RPS6KA2: variants seen among roughly 807,000 people sequenced by gnomAD.
RPS6KA2 encodes ribosomal protein S6 kinase A2, also known as ribosomal protein S6 kinase alpha-2.
A neutral mutation model predicts 91.8 loss-of-function variants in RPS6KA2; 42 were observed. The ratio of observed to expected loss-of-function variants is 0.46; its 90% confidence interval spans 0.36 to 0.59. The LOEUF (loss-of-function observed/expected upper bound fraction) is 0.59. RPS6KA2 is among the 20% of genes least tolerant of loss of function. The pLI, the probability that RPS6KA2 is intolerant of heterozygous loss-of-function variation, is 0.00. For missense variants in RPS6KA2, 798 were observed against 978.5 expected, an observed-to-expected ratio of 0.82 and a Z score of 2.46; for synonymous variants, 414 against 393.6, an observed-to-expected ratio of 1.05 and a Z score of -0.61.
In RPS6KA2 at chr6:166,593,644, C is replaced by A. The variant is rs550811610; in HGVS notation, c.99+33277G>T. On this transcript the variant is annotated intron_variant, in intron 1 of 20. Transcript: ENST00000265678. The stretch of plus-strand genomic sequence containing the variant: ...AACATTCCATTAAAAAATGTAAACA[C>A]AAACTGGTTTTCGGAAAAAAAAAAC... 3.3e-5 allele frequency among the ~76,000 whole-genome samples: 5 copies of A among 150,826 alleles called. No individual in the cohort carries two copies. The East Asian group carries it at 1.0e-3, about 30-fold the overall frequency.
At chr6:166,614,902 T>C (rs1016437758) in intron 1 of RPS6KA2, among the ~76,000 whole-genome samples, 6 of 152,182 alleles carry the variant, frequency 3.9e-5, no homozygotes, top group Non-Finnish European at 7.3e-5. Flanking sequence ...CTCCAGGTCC[T>C]TAACTTGATC....
chr6:166,422,703 G>A (rs1778766330), intron 17 of RPS6KA2, among the ~76,000 whole-genome samples: 2 of 152,312 alleles, frequency 1.3e-5, no homozygotes, highest in Admixed American at 6.5e-5. Flanking sequence ...TGCTCCGAGC[G>A]GGGCTGGGAG....
chr6:166,785,702 A>C (rs12214750), intron 2 of RPS6KA2, among the ~76,000 whole-genome samples: 19,763 of 152,270 alleles, frequency 0.13, 1,412 homozygotes, highest in Middle Eastern at 0.18. Flanking sequence ...AGTCAGACTT[A>C]GCTGAGTCCA....
chr6:166,697,796 C>T (rs1562388935), intron 2 of RPS6KA2, among the ~76,000 whole-genome samples: 1 of 152,208 alleles, frequency 6.6e-6, no homozygotes, highest in African/African-American at 2.4e-5. Context: ...TGGAAACACA[C>T]ACACCCGACT....
intron 2 of RPS6KA2, among the ~76,000 whole-genome samples, chr6:166,723,699 C>CTTTTTTTTTT (rs10637819): frequency 2.1e-5 from 3 of 146,226 alleles, no homozygotes; most frequent in African/African-American, 8.1e-5. Context: ...TTTTTCTTTT[C>CTTTTTTTTTT]TTTTCTTTTT....
rs1490518444 is a variant in RPS6KA2, at chr6:166,733,025, A to T, written c.123+125175T>A. 6.6e-6 allele frequency among the ~76,000 whole-genome samples: 1 copy of T among 152,056 alleles called. No individual in the cohort carries two copies. The highest frequency in any genetic ancestry group is 2.4e-5 in the African/African-American group (1 of 41,384). On this transcript the variant is annotated intron_variant, in intron 2 of 21. Coordinates refer to the RPS6KA2 transcript ENST00000503859. The surrounding 1 kb of genome is among the most constrained non-coding windows in gnomAD (Gnocchi z 4.1). ...ATGCATTTGCCCAGTTTTGCATCGG[A>T]TTTCTGGAGGTTTGGGACCCTCTTT...
chr6:166,517,455 G>GTTTTGTTTTTTTTT (rs1562550744), intron 3 of RPS6KA2, among the ~76,000 whole-genome samples: 2 of 104,970 alleles, frequency 1.9e-5, no homozygotes, highest in African/African-American at 8.9e-5. Flanking sequence ...CTTTTGTTTT[G>GTTTTGTTTTTTTTT]TTTTTTTTTT....
intron 2 of RPS6KA2, among the ~76,000 whole-genome samples, chr6:166,729,568 C>A (rs540248634): frequency 3.9e-5 from 6 of 152,182 alleles, no homozygotes; most frequent in Non-Finnish European, 5.9e-5. Flanking sequence ...TCTTGAACTC[C>A]TGGGCTCGAG....
At chr6:166,764,945 G>A (rs778647407) in intron 2 of RPS6KA2, among the ~76,000 whole-genome samples, 56 of 152,312 alleles carry the variant, frequency 3.7e-4, no homozygotes, top group Middle Eastern at 6.8e-3. Flanking sequence ...TATCTCTACC[G>A]AGTTCTGTCC....
intron 16 of RPS6KA2, among the ~76,000 whole-genome samples, chr6:166,425,798 AAAGC>A (rs1355464302): frequency 1.3e-5 from 2 of 152,216 alleles, no homozygotes; most frequent in Non-Finnish European, 1.5e-5. Flanking sequence ...CCAGATTCAT[AAAGC>A]AAGTCCTGAA....
At chr6:166,727,231 G>A (rs1790362396) in intron 2 of RPS6KA2, among the ~76,000 whole-genome samples, 1 of 151,950 alleles carries the variant, frequency 6.6e-6, no homozygotes, top group Admixed American at 6.5e-5. Flanking sequence ...GAATCATTCT[G>A]CTGATGTGTG....
At chr6:166,482,311 T>G (rs1781255715) in intron 10 of RPS6KA2, among the ~76,000 whole-genome samples, 1 of 152,248 alleles carries the variant, frequency 6.6e-6, no homozygotes, top group East Asian at 1.9e-4. Context: ...ACTTGGGTTG[T>G]CACCAGTTTC....
chr6:166,586,215 C>T (rs1207419752), intron 1 of RPS6KA2: 2 of 1,590,418 alleles, frequency 1.3e-6, no homozygotes, highest in South Asian at 1.1e-5. Context: ...GTAGTTGTTA[C>T]CCCAGGATCG....
rs558606278 is a variant in RPS6KA2 at position 166,639,553 on chromosome 6, G to T, written c.124-100769C>A. On this transcript the variant is annotated intron_variant, in intron 2 of 21. Transcript: ENST00000503859. The surrounding 1 kb of genome is among the most constrained non-coding windows in gnomAD (Gnocchi z 4.2). ...AGAGCTTGGAAGCTTGGAAGCCCCA[G>T]ACTCTGTTCTTCCTAGCCAGGCCTT... is the stretch of plus-strand genomic sequence containing the variant. Among the ~76,000 whole-genome samples the T allele has an allele frequency of 8.5e-5, 13 of 152,266 alleles. No individual in the cohort carries two copies. The highest frequency in any genetic ancestry group is 2.9e-4 in the African/African-American group (12 of 41,532).
At chr6:166,676,018 A>G (rs541599633) in intron 2 of RPS6KA2, among the ~76,000 whole-genome samples, 2 of 152,316 alleles carry the variant, frequency 1.3e-5, no homozygotes, top group African/African-American at 2.4e-5. Flanking sequence ...TGGCTCGCCA[A>G]TGAAAAGTCC....
intron 8 of RPS6KA2, among the ~76,000 whole-genome samples, chr6:166,491,827 CTGT>C (rs34013475): frequency 0.019 from 2,846 of 152,210 alleles, 99 homozygotes; most frequent in African/African-American, 0.065. Flanking sequence ...TTTTTTCAAG[CTGT>C]TTTTTATTTT....
Position 166,413,931 on chromosome 6 carries a change from C to T in RPS6KA2, c.1939G>A (p.Asp647Asn). 3.1e-6 allele frequency: 5 copies of T among 1,613,624 alleles called. No homozygotes were observed. The highest frequency in any genetic ancestry group is 4.2e-6 in the Non-Finnish European group (5 of 1,179,934). ...NWDSISDAAKDVVSKMLHVDP... is the reference protein window; with the variant it reads ...NWDSISDAAKNVVSKMLHVDP... ...ACGTGGAGCATCTTGGACACGACGT[C>T]CTGCCAGGGAAGGTCATGAGAGTCG... Residue 647 changes from aspartate to asparagine, a missense_variant and splice_region_variant, in exon 20 of 21, where the codon GAC becomes AAC. Transcript: ENST00000265678.
intron 1 of RPS6KA2, among the ~76,000 whole-genome samples, chr6:166,547,620 G>A (rs927310367): frequency 1.2e-4 from 19 of 152,282 alleles, no homozygotes; most frequent in African/African-American, 4.3e-4. Flanking sequence ...ATTCCGGCAG[G>A]CAGAGTGATG....
chr6:166,628,517 G>A (rs1279413135), upstream of RPS6KA2, among the ~76,000 whole-genome samples: 1 of 152,256 alleles, frequency 6.6e-6, no homozygotes, highest in Non-Finnish European at 1.5e-5. Flanking sequence ...TTTGGCTAAG[G>A]TGGGTAGAGA....
Sources: gnomAD v4.1 joint callset for allele counts (sites outside exome capture counted in the v4.1 genomes callset) on GRCh38, gnomAD v4.1.1 for gene constraint, Gnocchi (gnomAD v3.1) non-coding constraint, MANE v1.5 for transcripts, NCBI Gene and HGNC (gene_info 2026-07-23, HGNC 2026-07-21) for gene names.